The following BLM variants were observed in gnomAD, a reference collection of about 807,000 sequenced individuals.
The protein encoded by BLM is BLM RecQ like helicase.
Under a neutral mutation model 135.3 loss-of-function variants are expected in BLM, and 95 were observed. The ratio of observed to expected loss-of-function variants is 0.70; its 90% confidence interval spans 0.59 to 0.83. The LOEUF is 0.83. Among genes scored for constraint, BLM ranks in the 40% least tolerant of loss-of-function variants. The pLI is 0.00. For synonymous variants in BLM, 520 were observed against 589.2 expected, an observed-to-expected ratio of 0.88 and a Z score of 1.70; for missense variants, 1,518 against 1,663.9, an observed-to-expected ratio of 0.91 and a Z score of 1.53.
rs183880788 is a variant in BLM, at chr15:90,725,747, G to A, written c.-5+8307G>A. Among the ~76,000 whole-genome samples, 10 of 149,954 alleles carry A rather than the reference G, an allele frequency of 6.7e-5. No homozygotes were observed. In the South Asian group the frequency reaches 1.5e-3, roughly 22 times the overall value. ...AGGGTGGTCTCAATCTCCTGACCTC[G>A]TGATCCACCCGCCTCGGCCTCCCAA... is the stretch of plus-strand genomic sequence containing the variant. On this transcript the variant is annotated intron_variant, in intron 1 of 21. Coordinates refer to ENST00000355112, the MANE Select transcript of BLM (RefSeq NM_000057.4).
chr15:90,724,661 A>G (rs895967603), intron 1 of BLM, among the ~76,000 whole-genome samples: 1 of 152,174 alleles, frequency 6.6e-6, no homozygotes, highest in South Asian at 2.1e-4. Context: ...CTTATTATAA[A>G]CAACTCAGAA....
chr15:90,790,581 A>G, intron 14 of BLM, 68 bp from the exon 15 acceptor site: 1 of 1,407,666 alleles, frequency 7.1e-7, no homozygotes. Context: ...TTTTAGAAGC[A>G]TCTATTATGA....
Position 90,745,157 on chromosome 15 carries a change from C to T in BLM, c.-4-2232C>T, listed in dbSNP as rs73483924. 5.2e-3 allele frequency among the ~76,000 whole-genome samples: 792 copies of T among 152,280 alleles called. 5 individuals carry two copies. Among genetic ancestry groups the T allele is most frequent in the African/African-American group, 0.018 (768 of 41,566 alleles). ...AACATCTTTTGAGAGGAAAGAAGCTCTCAATGACTCATAAGGTTAAGTCAT... is the reference window on the plus strand; with the variant it reads ...AACATCTTTTGAGAGGAAAGAAGCTTTCAATGACTCATAAGGTTAAGTCAT... On this transcript the variant is annotated intron_variant, in intron 1 of 21. Coordinates refer to ENST00000355112, the MANE Select transcript of BLM (RefSeq NM_000057.4).
intron 4 of BLM, among the ~76,000 whole-genome samples, chr15:90,754,348 G>A (rs1895760121): frequency 1.3e-5 from 2 of 152,158 alleles, no homozygotes; most frequent in Admixed American, 1.3e-4. Context: ...ACATATATTT[G>A]CATAATAAGA....
chr15:90,811,332 G>T lies in BLM; in HGVS notation c.4002G>T (p.Arg1334Ser). ...TTGCAAGTAAAACCAGAAATGAAAG[G>T]AAGAGGAAAAAGATGCCAGCCTCCC... ...HYFASKTRNE[R>S]KRKKMPASQR... Residue 1334 changes from arginine to serine, a missense_variant, in exon 21 of 22, where the codon AGG becomes AGT. Transcript: ENST00000355112. 6.2e-7 allele frequency: 1 copy of T among 1,614,142 alleles called. No homozygotes were observed. The highest frequency in any genetic ancestry group is 8.5e-7 in the Non-Finnish European group (1 of 1,180,024).
At chr15:90,784,827 T>C (rs1896703889) in intron 13 of BLM, 94 bp from the exon 14 acceptor site, 1 of 1,341,640 alleles carries the variant, frequency 7.5e-7, no homozygotes, top group Non-Finnish European at 1.0e-6. Context: ...GGGAGATCTA[T>C]TTATGGTTCA....
chr15:90,773,548 T>G (rs1896388024), intron 12 of BLM, among the ~76,000 whole-genome samples: 1 of 146,298 alleles, frequency 6.8e-6, no homozygotes, highest in African/African-American at 2.6e-5. Context: ...TTTATAAGGT[T>G]GTGCAGCCAT....
chr15:90,804,555 C>T (rs1897245677), intron 19 of BLM, among the ~76,000 whole-genome samples, 196 bp downstream of exon 19: 1 of 152,124 alleles, frequency 6.6e-6, no homozygotes, highest in South Asian at 2.1e-4. Flanking sequence ...CCTCAACCTC[C>T]TGGGCTCAAG....
In BLM at chr15:90,779,255, C is replaced by T. The variant is rs746993383; in HGVS notation, c.2556-3567C>T. Among the ~76,000 whole-genome samples, 8 of 152,086 alleles carry T rather than the reference C, an allele frequency of 5.3e-5. No homozygotes were observed. In the East Asian group the frequency reaches 1.2e-3, roughly 22 times the overall value. On this transcript the variant is annotated intron_variant, in intron 12 of 21. Transcript: ENST00000355112. ...CTGTGCCATTTTACATTTTCACTAG[C>T]GATGTATGAGGGTTCTAATTTTTTC...
chr15:90,803,979 G>A (rs1280760784), intron 18 of BLM, among the ~76,000 whole-genome samples, 188 bp from the exon 19 acceptor site: 1 of 152,188 alleles, frequency 6.6e-6, no homozygotes, highest in Admixed American at 6.5e-5. Flanking sequence ...TTTATCAAGA[G>A]GCTATTCTAT....
intron 10 of BLM, among the ~76,000 whole-genome samples, chr15:90,768,743 C>G (rs144982724): frequency 2.6e-5 from 4 of 151,998 alleles, no homozygotes; most frequent in African/African-American, 9.7e-5. Context: ...TTTGTTTTTT[C>G]GAGACCGAGT....
At chr15:90,801,256 A>G (rs1897160086) in intron 17 of BLM, among the ~76,000 whole-genome samples, 1 of 152,202 alleles carries the variant, frequency 6.6e-6, no homozygotes, top group Non-Finnish European at 1.5e-5. Flanking sequence ...AAGAGTCATG[A>G]CATTGTTCCA....
chr15:90,779,383 A>G (rs1344052240), intron 12 of BLM, among the ~76,000 whole-genome samples: 1 of 152,120 alleles, frequency 6.6e-6, no homozygotes, highest in Non-Finnish European at 1.5e-5. Context: ...TTAATGTGGG[A>G]AAAAGCAATA....
chr15:90,796,580 G>T (rs1408330408), intron 16 of BLM, among the ~76,000 whole-genome samples: 5 of 152,162 alleles, frequency 3.3e-5, no homozygotes, highest in African/African-American at 7.2e-5. Flanking sequence ...TCCAGCTCCT[G>T]GGCCATAGTT....
At position 90,751,874 on chromosome 15, in the gene BLM, A is replaced by G. The variant is rs775005766; in HGVS notation, c.887A>G (p.Tyr296Cys). Reference sequence around the variant, plus strand: ...TGTATTGAATTTGATGATGATGATTATGATACGGATTTTGTTCCACCTTCT... The same window carrying G: ...TGTATTGAATTTGATGATGATGATTGTGATACGGATTTTGTTCCACCTTCT... Reference protein sequence around the residue: ...VPCIEFDDDDYDTDFVPPSPE... With the variant: ...VPCIEFDDDDCDTDFVPPSPE... Residue 296 changes from tyrosine to cysteine, a missense_variant, in exon 4 of 22, where the codon TAT (tyrosine) becomes TGT (cysteine). Around this residue, in one of 5 missense-constraint regions of BLM, gnomAD observed 724 missense variants for 756.9 expected, o/e 0.96. Coordinates refer to ENST00000355112, the MANE Select transcript of BLM (RefSeq NM_000057.4). The G allele has an allele frequency of 3.5e-5, 56 of 1,612,962 alleles. 2 individuals carry two copies. In the South Asian group the frequency reaches 5.9e-4, roughly 17 times the overall value.
chr15:90,797,494 T>C (rs1897058502), intron 16 of BLM, among the ~76,000 whole-genome samples: 1 of 148,194 alleles, frequency 6.7e-6, no homozygotes, highest in Non-Finnish European at 1.5e-5. Flanking sequence ...TGACTCTAGA[T>C]AGGGCCTCAG....
intron 16 of BLM, among the ~76,000 whole-genome samples, chr15:90,797,022 G>A (rs139139499): frequency 2.0e-5 from 3 of 152,134 alleles, no homozygotes; most frequent in East Asian, 1.9e-4. Flanking sequence ...AAGTGTGAGC[G>A]GCTGATGTAT....
In BLM at chr15:90,815,686, G is replaced by C. The variant is rs1226070102; in HGVS notation, c.*407G>C. On this transcript the variant is annotated 3_prime_UTR_variant, in exon 22 of 22. Transcript: ENST00000355112. This position sits in a 1 kb window ranked among gnomAD's most constrained non-coding sequence, Gnocchi z 4.6. ...AAAGAGGAGAAAATATATTACAAAG[G>C]ATTAGTATCCATCATACCAAATACC... The C allele has an allele frequency of 1.2e-5, 3 of 255,108 alleles. No individual in the cohort carries two copies. The highest frequency in any genetic ancestry group is 7.0e-5 in the African/African-American group (3 of 43,096). 15.8% of individuals were successfully genotyped at this position (255,108 alleles called of 1,614,324 possible).
At chr15:90,773,348 A>C (rs1346347329) in intron 12 of BLM, among the ~76,000 whole-genome samples, 1 of 152,054 alleles carries the variant, frequency 6.6e-6, no homozygotes, top group Non-Finnish European at 1.5e-5. Context: ...TGTACCTGGG[A>C]GGCGGAGGTT....
Sources: allele counts gnomAD v4.1 joint callset (sites outside exome capture counted in the v4.1 genomes callset), GRCh38; gene constraint gnomAD v4.1.1; regional missense constraint gnomAD v4.1.1; non-coding constraint Gnocchi (gnomAD v3.1); transcripts MANE v1.5; gene names NCBI Gene and HGNC (gene_info 2026-07-23, HGNC 2026-07-21).